Variants in GAB2 observed in about 807,000 individuals in gnomAD.
GAB2 encodes GRB2 associated binding protein 2, also known as GRB2-associated-binding protein 2.
A neutral mutation model predicts 65.5 loss-of-function variants in GAB2; 26 were observed. That is an observed-to-expected ratio of 0.40 (90% CI 0.29 to 0.55). The LOEUF (loss-of-function observed/expected upper bound fraction) is 0.55, where lower values mean the gene tolerates loss of function less well. Among genes scored for constraint, GAB2 ranks in the 20% least tolerant of loss-of-function variants. The pLI, the probability that GAB2 is intolerant of heterozygous loss-of-function variation, is 0.53. For missense variants in GAB2, 884 were observed against 875.8 expected, an observed-to-expected ratio of 1.01 and a Z score of -0.12; for synonymous variants, 321 against 329.6, an observed-to-expected ratio of 0.97 and a Z score of 0.28.
At chr11:78,405,798 G>A (rs967663478) in intron 1 of GAB2, among the ~76,000 whole-genome samples, 1 of 152,126 alleles carries the variant, frequency 6.6e-6, no homozygotes, top group African/African-American at 2.4e-5. Flanking sequence ...TCTCAGACTT[G>A]GAGCTGAAGC....
intron 1 of GAB2, among the ~76,000 whole-genome samples, chr11:78,355,749 A>G (rs1350368330): frequency 6.9e-6 from 1 of 145,478 alleles, no homozygotes; most frequent in Non-Finnish European, 1.5e-5. Flanking sequence ...CTTCTCAGAG[A>G]GAGAAAGTAC....
intron 1 of GAB2, among the ~76,000 whole-genome samples, chr11:78,398,327 A>G (rs902485856): frequency 5.9e-5 from 9 of 152,214 alleles, no homozygotes; most frequent in African/African-American, 2.2e-4. Flanking sequence ...ATATGACATG[A>G]CAGGCCTGCA....
At chr11:78,272,418 G>A (rs1866040109) in intron 2 of GAB2, among the ~76,000 whole-genome samples, 1 of 152,212 alleles carries the variant, frequency 6.6e-6, no homozygotes, top group Non-Finnish European at 1.5e-5. Context: ...TTGGAAACTG[G>A]AGCAAAGGTG....
intron 1 of GAB2, among the ~76,000 whole-genome samples, chr11:78,315,846 G>C (rs1855592180): frequency 6.6e-6 from 1 of 152,188 alleles, no homozygotes; most frequent in Admixed American, 6.5e-5. Flanking sequence ...GCGAAGTACT[G>C]TTTCTGGGTT....
Position 78,329,666 on chromosome 11 carries a change from A to T in GAB2, c.76-48765T>A, listed in dbSNP as rs570845866. ...TTAGAGGCCACAGGGAAATGTGAAG[A>T]TTTCCCACAGAAAAGCATGATTTTA... On this transcript the variant is annotated intron_variant, in intron 1 of 9. Coordinates refer to ENST00000361507, the MANE Select transcript of GAB2 (RefSeq NM_080491.3). Among the ~76,000 whole-genome samples, 7 of 152,314 alleles carry T rather than the reference A, an allele frequency of 4.6e-5. No individual in the cohort carries two copies. The South Asian group carries it at 1.2e-3, about 27-fold the overall frequency.
chr11:78,243,802 C>G (rs952830127), intron 3 of GAB2, among the ~76,000 whole-genome samples: 1 of 152,148 alleles, frequency 6.6e-6, no homozygotes, highest in East Asian at 1.9e-4. Context: ...TGAGATCGCG[C>G]CACTGCACTC....
At chr11:78,388,672 A>C (rs950449506) in intron 1 of GAB2, among the ~76,000 whole-genome samples, 1 of 152,094 alleles carries the variant, frequency 6.6e-6, no homozygotes, top group African/African-American at 2.4e-5. Context: ...CCCAGAACAT[A>C]ATTTCTCTTG....
At chr11:78,271,518 A>G (rs2510050) in intron 2 of GAB2, among the ~76,000 whole-genome samples, 27,061 of 152,050 alleles carry the variant, frequency 0.18, 2,760 homozygotes, top group East Asian at 0.4. Context: ...CTGGTCTTGA[A>G]CCTGCAGGTT....
intron 3 of GAB2, among the ~76,000 whole-genome samples, chr11:78,247,132 G>T (rs899395767): frequency 6.6e-6 from 1 of 152,112 alleles, no homozygotes; most frequent in Non-Finnish European, 1.5e-5. Context: ...TTTGTGATGG[G>T]GCCCAACCTG....
At chr11:78,388,836 G>A (rs963593202) in intron 1 of GAB2, among the ~76,000 whole-genome samples, 1 of 152,160 alleles carries the variant, frequency 6.6e-6, no homozygotes, top group East Asian at 1.9e-4. Flanking sequence ...AAGAGACTGA[G>A]AACTAGAGCG....
intron 2 of GAB2, among the ~76,000 whole-genome samples, chr11:78,270,581 T>A (rs1379566429): frequency 6.6e-6 from 1 of 152,230 alleles, no homozygotes; most frequent in East Asian, 1.9e-4. Flanking sequence ...GTTTCCTTGC[T>A]TTTGCGATAG....
At chr11:78,233,244 G>A (rs1027492739) in intron 3 of GAB2, among the ~76,000 whole-genome samples, 4 of 152,128 alleles carry the variant, frequency 2.6e-5, no homozygotes, top group South Asian at 2.1e-4. Flanking sequence ...CATGTTGCCC[G>A]GGCTGGTCTC....
At position 78,231,324 on chromosome 11, in the gene GAB2, G is replaced by A. The variant is rs1329818723; in HGVS notation, c.621-4273C>T. On this transcript the variant is annotated intron_variant, in intron 3 of 9. Transcript: ENST00000361507. ...ATACAGTCTCTCCCTTGGTGCGCGC[G>A]CGCGCGTGTGTGGTGTGTGTGTGTG... 8.8e-5 allele frequency among the ~76,000 whole-genome samples: 12 copies of A among 135,952 alleles called. 1 individual carries two copies. In the South Asian group the frequency reaches 2.3e-3, roughly 26 times the overall value. 89.2% of individuals were successfully genotyped at this position (135,952 alleles called of 152,430 possible). A position where few individuals can be genotyped will look rare whatever the true frequency, so the allele number is the denominator to read the frequency against.
chr11:78,381,687 G>T (rs61881818), intron 1 of GAB2, among the ~76,000 whole-genome samples: 415 of 151,510 alleles, frequency 2.7e-3, no homozygotes, highest in African/African-American at 9.5e-3. Context: ...AAAAAAAAAG[G>T]TTCCATGTTT....
chr11:78,291,505 A>C (rs1276352497), intron 1 of GAB2, among the ~76,000 whole-genome samples: 2 of 147,822 alleles, frequency 1.4e-5, no homozygotes, highest in African/African-American at 5.0e-5. Flanking sequence ...TAGATGGACA[A>C]GAGACTACCT....
chr11:78,317,268 A>T (rs548841052), intron 1 of GAB2, among the ~76,000 whole-genome samples: 1 of 152,206 alleles, frequency 6.6e-6, no homozygotes, highest in Non-Finnish European at 1.5e-5. Flanking sequence ...ATACACTTAA[A>T]AGTGATTACG....
chr11:78,222,065 G>T, intron 7 of GAB2, 40 bp downstream of exon 7: 1 of 1,323,254 alleles, frequency 7.6e-7, no homozygotes. Context: ...TTCCCTAATG[G>T]CCCGACTCCA....
At chr11:78,284,665 T>G (rs1866425454) in intron 1 of GAB2, among the ~76,000 whole-genome samples, 1 of 152,212 alleles carries the variant, frequency 6.6e-6, no homozygotes, top group Non-Finnish European at 1.5e-5. Flanking sequence ...CTGGACAGGC[T>G]ATTCCTGGTC....
At chr11:78,366,651 G>A (rs1380992823) in intron 1 of GAB2, among the ~76,000 whole-genome samples, 1 of 148,634 alleles carries the variant, frequency 6.7e-6, no homozygotes, top group Non-Finnish European at 1.5e-5. Context: ...GAGGATGGGG[G>A]GTTAATTTAC....
Sources: gnomAD v4.1 joint callset for allele counts (sites outside exome capture counted in the v4.1 genomes callset) on GRCh38, gnomAD v4.1.1 for gene constraint, MANE v1.5 for transcripts, NCBI Gene and HGNC (gene_info 2026-07-23, HGNC 2026-07-21) for gene names.